Variants in PDZRN4 observed in about 807,000 individuals in gnomAD.
PDZRN4 encodes the protein PDZ domain-containing RING finger protein 4.
PDZRN4 carries 70 observed loss-of-function variants against 99.0 expected under a neutral mutation model. That is an observed-to-expected ratio of 0.71 (90% CI 0.58 to 0.86). The LOEUF is 0.86. PDZRN4 is among the 40% of genes least tolerant of loss of function. PDZRN4 has a pLI of 0.00. For synonymous variants in PDZRN4, 551 were observed against 501.6 expected, an observed-to-expected ratio of 1.10 and a Z score of -1.32; for missense variants, 1,474 against 1,331.2, an observed-to-expected ratio of 1.11 and a Z score of -1.67.
rs570851906 is a variant in PDZRN4, at chr12:41,338,886, A to G, written c.843+144698A>G. Among the ~76,000 whole-genome samples, 112 of 152,154 alleles carry G rather than the reference A, an allele frequency of 7.4e-4. No individual in the cohort carries two copies. The South Asian group carries it at 0.022, about 30-fold the overall frequency. On this transcript the variant is annotated intron_variant, in intron 3 of 9. Coordinates refer to ENST00000402685, the MANE Select transcript of PDZRN4 (RefSeq NM_001164595.2). ...AAACATAACCAAAACAGTGAAAGATATCTACAATGAAAACTAAAACAATGT... is the reference window on the plus strand; with the variant it reads ...AAACATAACCAAAACAGTGAAAGATGTCTACAATGAAAACTAAAACAATGT...
At chr12:41,382,020 G>A (rs1952131260) in intron 3 of PDZRN4, among the ~76,000 whole-genome samples, 1 of 152,086 alleles carries the variant, frequency 6.6e-6, no homozygotes, top group East Asian at 1.9e-4. Context: ...TGACTCCATA[G>A]TCAGGCAGGG....
At position 41,188,562 on chromosome 12, in the gene PDZRN4, T is replaced by C; in HGVS notation, c.107T>C (p.Val36Ala). The change falls in exon 1 of 10, where the codon GTC becomes GCC. Residue 36 changes from valine (V) to alanine (A), a missense_variant. Transcript: ENST00000402685. The part of the protein sequence containing the change: ...EEPLCTPCGH[V>A]FCASCLLPWA... ...CCCCTGTGCACGCCGTGCGGGCACGTCTTCTGCGCCAGCTGCCTGTTGCCC... is the reference window on the plus strand; with the variant it reads ...CCCCTGTGCACGCCGTGCGGGCACGCCTTCTGCGCCAGCTGCCTGTTGCCC... 6.4e-7 allele frequency: 1 copy of C among 1,552,742 alleles called. No individual in the cohort carries two copies.
chr12:41,385,107 G>C (rs1329290888), intron 3 of PDZRN4, among the ~76,000 whole-genome samples: 1 of 152,132 alleles, frequency 6.6e-6, no homozygotes, highest in Non-Finnish European at 1.5e-5. Flanking sequence ...ATTTCTAGTG[G>C]GGAGAGACAG....
At chr12:41,515,460 C>T (rs958274727) in intron 5 of PDZRN4, among the ~76,000 whole-genome samples, 2 of 151,866 alleles carry the variant, frequency 1.3e-5, no homozygotes, top group Non-Finnish European at 2.9e-5. Flanking sequence ...TCATAAGTGC[C>T]GTTCCTTTGG....
chr12:41,573,366 G>A lies in PDZRN4; in HGVS notation c.2587G>A (p.Val863Ile). The A allele has an allele frequency of 3.7e-6, 6 of 1,613,356 alleles. No homozygotes were observed. Among genetic ancestry groups the A allele is most frequent in the Non-Finnish European group, 4.2e-6 (5 of 1,180,012 alleles). Residue 863 changes from valine to isoleucine, a missense_variant, in exon 10 of 10, where the codon GTC becomes ATC. Physicochemically the swap from Val to Ile is conservative, Grantham distance 29. Transcript: ENST00000402685. Reference protein sequence around the residue: ...YMQLIQQKSAVEYAQSQLSLV... With the variant: ...YMQLIQQKSAIEYAQSQLSLV... Reference sequence around the variant, plus strand: ...GCAGTTAATTCAACAGAAATCTGCAGTCGAGTATGCTCAGAGTCAGCTCAG... The same window carrying A: ...GCAGTTAATTCAACAGAAATCTGCAATCGAGTATGCTCAGAGTCAGCTCAG...
At chr12:41,448,189 C>T (rs570449923) in intron 3 of PDZRN4, among the ~76,000 whole-genome samples, 3 of 152,120 alleles carry the variant, frequency 2.0e-5, no homozygotes, top group East Asian at 3.9e-4. Context: ...AAAGGTTCCT[C>T]GCAATCTGTT....
chr12:41,423,942 C>T (rs1952512885), intron 3 of PDZRN4, among the ~76,000 whole-genome samples: 1 of 152,138 alleles, frequency 6.6e-6, no homozygotes, highest in Non-Finnish European at 1.5e-5. Context: ...TAAACATGGT[C>T]TTGTAGTTCA....
At position 41,387,547 on chromosome 12, in the gene PDZRN4, G is replaced by A. The variant is rs572548013; in HGVS notation, c.844-118909G>A. ...GTGAAGATTGCAGGAAGCCGAGATC[G>A]CACCACTGCACTCCAGCCTGGGTGA... On this transcript the variant is annotated intron_variant, in intron 3 of 9. Coordinates refer to ENST00000402685, the MANE Select transcript of PDZRN4 (RefSeq NM_001164595.2). 1.1e-4 allele frequency among the ~76,000 whole-genome samples: 16 copies of A among 152,140 alleles called. No homozygotes were observed. In the South Asian group the frequency reaches 1.9e-3, roughly 18 times the overall value.
chr12:41,263,337 G>C (rs1002253123), intron 3 of PDZRN4, among the ~76,000 whole-genome samples: 1 of 152,134 alleles, frequency 6.6e-6, no homozygotes, highest in Non-Finnish European at 1.5e-5. Flanking sequence ...CGGATTGCTT[G>C]AGGTCAGGAG....
chr12:41,351,054 G>A (rs903115999), intron 3 of PDZRN4, among the ~76,000 whole-genome samples: 1 of 152,012 alleles, frequency 6.6e-6, no homozygotes, highest in Admixed American at 6.6e-5. Flanking sequence ...TGGAGTTTTG[G>A]GTTATGGACA....
At chr12:41,331,077 C>T (rs1345830780) in intron 3 of PDZRN4, among the ~76,000 whole-genome samples, 2 of 152,196 alleles carry the variant, frequency 1.3e-5, no homozygotes, top group East Asian at 3.9e-4. Flanking sequence ...ACTAACATCG[C>T]AAATTGCAAA....
At chr12:41,316,448 A>G (rs1192511504) in intron 3 of PDZRN4, among the ~76,000 whole-genome samples, 1 of 144,876 alleles carries the variant, frequency 6.9e-6, no homozygotes, top group African/African-American at 2.6e-5. Context: ...ACTAGAGGAA[A>G]AAGGCAAATG....
intron 3 of PDZRN4, among the ~76,000 whole-genome samples, chr12:41,400,533 A>G (rs1359221164): frequency 2.0e-5 from 3 of 152,114 alleles, no homozygotes; most frequent in South Asian, 4.1e-4. Flanking sequence ...TTCTTCTCAT[A>G]TGAAAATATA....
At chr12:41,225,203 T>TA (rs1950984933) in intron 3 of PDZRN4, among the ~76,000 whole-genome samples, 1 of 152,158 alleles carries the variant, frequency 6.6e-6, no homozygotes, top group Non-Finnish European at 1.5e-5. Flanking sequence ...GATGATTTTT[T>TA]ACTGCCAGAA....
intron 3 of PDZRN4, among the ~76,000 whole-genome samples, chr12:41,489,413 C>A (rs924130205): frequency 1.3e-5 from 2 of 152,088 alleles, no homozygotes; most frequent in Non-Finnish European, 2.9e-5. Context: ...AAGGTTCTAG[C>A]AATATTCAAC....
At chr12:41,353,527 A>G (rs1202163899) in intron 3 of PDZRN4, among the ~76,000 whole-genome samples, 1 of 152,060 alleles carries the variant, frequency 6.6e-6, no homozygotes, top group South Asian at 2.1e-4. Context: ...ATCACAACCT[A>G]GTTGTAATGA....
intron 6 of PDZRN4, among the ~76,000 whole-genome samples, chr12:41,553,419 GT>G (rs1939092727): frequency 6.6e-6 from 1 of 152,030 alleles, no homozygotes; most frequent in Non-Finnish European, 1.5e-5. Flanking sequence ...GGGAAGGAAT[GT>G]TTTTAAAAAT....
chr12:41,202,079 T>C (rs1357946506), intron 3 of PDZRN4, among the ~76,000 whole-genome samples: 2 of 152,144 alleles, frequency 1.3e-5, no homozygotes, highest in Non-Finnish European at 2.9e-5. Context: ...ACATGATTGA[T>C]TGCAGAGGAA....
At chr12:41,292,468 T>C (rs1392270991) in intron 3 of PDZRN4, among the ~76,000 whole-genome samples, 1 of 152,136 alleles carries the variant, frequency 6.6e-6, no homozygotes, top group African/African-American at 2.4e-5. Context: ...ACAAATTTCA[T>C]TGTGTTTTTG....
Sources: gnomAD v4.1 joint callset for allele counts (sites outside exome capture counted in the v4.1 genomes callset) on GRCh38, gnomAD v4.1.1 for gene constraint, MANE v1.5 for transcripts, NCBI Gene and HGNC (gene_info 2026-07-23, HGNC 2026-07-21) for gene names.